The following GABRG3 variants were observed in gnomAD, a reference collection of about 807,000 sequenced individuals.
GABRG3 encodes gamma-aminobutyric acid receptor subunit gamma-3.
In GABRG3, 25 loss-of-function variants were observed where a neutral mutation model predicts 48.8. The ratio of observed to expected loss-of-function variants is 0.51; its 90% CI spans 0.37 to 0.72. The LOEUF is 0.72. Among genes scored for constraint, GABRG3 ranks in the 30% least tolerant of loss-of-function variants. The pLI is 0.00. For missense variants in GABRG3, 394 were observed against 577.9 expected, an observed-to-expected ratio of 0.68 and a Z score of 3.26; for synonymous variants, 227 against 217.6, an observed-to-expected ratio of 1.04 and a Z score of -0.38.
At chr15:27,305,245 C>G (rs1386306539) in intron 3 of GABRG3, among the ~76,000 whole-genome samples, 1 of 151,288 alleles carries the variant, frequency 6.6e-6, no homozygotes, top group Non-Finnish European at 1.5e-5. Flanking sequence ...GACTGGAAAA[C>G]AGAAAAATTT....
At chr15:27,228,783 T>C (rs1382638384) in intron 3 of GABRG3, among the ~76,000 whole-genome samples, 2 of 152,224 alleles carry the variant, frequency 1.3e-5, no homozygotes, top group Admixed American at 6.5e-5. Context: ...TGGTATCTCA[T>C]TGTGGTTTTG....
chr15:27,401,590 C>A (rs890735188), intron 5 of GABRG3, among the ~76,000 whole-genome samples: 1 of 152,198 alleles, frequency 6.6e-6, no homozygotes, highest in African/African-American at 2.4e-5. Flanking sequence ...CACTCCCTTA[C>A]CCCTGTGACA....
At chr15:27,033,855 A>T (rs1896129997) in intron 3 of GABRG3, among the ~76,000 whole-genome samples, 1 of 152,130 alleles carries the variant, frequency 6.6e-6, no homozygotes, top group Admixed American at 6.6e-5. Flanking sequence ...GTTTGTTGCT[A>T]TTCTTGCTAT....
chr15:27,317,577 C>G (rs555153231), intron 3 of GABRG3, among the ~76,000 whole-genome samples: 22 of 152,278 alleles, frequency 1.4e-4, no homozygotes, highest in African/African-American at 5.1e-4. Flanking sequence ...TGTCACAAGG[C>G]AAGGCTAAGC....
chr15:27,041,821 A>C (rs183803546), intron 3 of GABRG3, among the ~76,000 whole-genome samples: 1 of 152,224 alleles, frequency 6.6e-6, no homozygotes, highest in East Asian at 1.9e-4. Flanking sequence ...AAGACACAGC[A>C]AGAGGAGAGG....
intron 6 of GABRG3, among the ~76,000 whole-genome samples, chr15:27,508,063 G>A (rs888428193): frequency 2.0e-5 from 3 of 152,028 alleles, no homozygotes; most frequent in South Asian, 2.1e-4. Context: ...ACTTAAAGTG[G>A]CTTTTATGCA....
chr15:27,135,673 G>A (rs1416141725), intron 3 of GABRG3, among the ~76,000 whole-genome samples: 11 of 152,128 alleles, frequency 7.2e-5, no homozygotes, highest in African/African-American at 2.2e-4. Flanking sequence ...TTGGGAGCCC[G>A]AGGCAGGTGG....
chr15:27,215,647 C>G (rs1889223203), intron 3 of GABRG3, among the ~76,000 whole-genome samples: 1 of 152,176 alleles, frequency 6.6e-6, no homozygotes, highest in African/African-American at 2.4e-5. Flanking sequence ...GCAAAACTTG[C>G]ATGGGAGGCT....
intron 3 of GABRG3, among the ~76,000 whole-genome samples, chr15:27,182,456 T>A (rs1375279019): frequency 6.6e-6 from 1 of 152,194 alleles, no homozygotes; most frequent in Non-Finnish European, 1.5e-5. Context: ...TTTTTGTAAA[T>A]GATGTTTAAA....
At chr15:27,261,127 A>G (rs1890754507) in intron 3 of GABRG3, among the ~76,000 whole-genome samples, 2 of 152,208 alleles carry the variant, frequency 1.3e-5, no homozygotes, top group South Asian at 4.1e-4. Context: ...GACAGAAATT[A>G]GGATCTGAGG....
rs1046214303 is a variant in GABRG3, at chr15:27,304,408, T to C, written c.271-22401T>C. The stretch of plus-strand genomic sequence containing the variant: ...TTATTAATCAGGTATATTTATTTTT[T>C]TAAAAAAATCAATTTATTATCTTAT... On this transcript the variant is annotated intron_variant, in intron 3 of 9. Transcript: ENST00000615808. Among the ~76,000 whole-genome samples, 4 of 151,992 alleles carry C rather than the reference T, an allele frequency of 2.6e-5. No homozygotes were observed. In the South Asian group the frequency reaches 8.3e-4, roughly 31 times the overall value.
At chr15:27,370,581 G>T (rs1895376892) in intron 5 of GABRG3, among the ~76,000 whole-genome samples, 1 of 152,158 alleles carries the variant, frequency 6.6e-6, no homozygotes, top group Non-Finnish European at 1.5e-5. Flanking sequence ...ACATGCTCCT[G>T]TTTTGCCCTG....
chr15:27,182,674 C>T (rs1402732902), intron 3 of GABRG3, among the ~76,000 whole-genome samples: 1 of 152,026 alleles, frequency 6.6e-6, no homozygotes, highest in East Asian at 1.9e-4. Context: ...AAAAGCACTC[C>T]CCACAGGGCC....
intron 3 of GABRG3, among the ~76,000 whole-genome samples, chr15:27,173,472 C>T (rs746227409): frequency 4.6e-5 from 7 of 152,084 alleles, no homozygotes; most frequent in Non-Finnish European, 8.8e-5. Flanking sequence ...CAGCATTCCT[C>T]GCTCCAAAAT....
intron 2 of GABRG3, among the ~76,000 whole-genome samples, chr15:27,005,037 T>C (rs2140661375): frequency 6.6e-6 from 1 of 152,274 alleles, no homozygotes; most frequent in East Asian, 1.9e-4. Flanking sequence ...CATGCAAAGA[T>C]AGCATTTTAT....
At position 27,308,198 on chromosome 15, in the gene GABRG3, G is replaced by A. The variant is rs1416836958; in HGVS notation, c.271-18611G>A. Among the ~76,000 whole-genome samples the A allele has an allele frequency of 2.3e-4, 10 of 43,496 alleles. 1 individual carries two copies. Among genetic ancestry groups the A allele is most frequent in the African/African-American group, 4.7e-4 (5 of 10,606 alleles). 28.5% of individuals were successfully genotyped at this position (43,496 alleles called of 152,430 possible). A position where few individuals can be genotyped will look rare whatever the true frequency, so the allele number is the denominator to read the frequency against. ...TATATATCCAAACATATATAAACAT[G>A]TTTATATATCCAAACATATATAAAC... On this transcript the variant is annotated intron_variant, in intron 3 of 9. Transcript: ENST00000615808.
At chr15:26,987,702 G>A (rs1342834466) in intron 2 of GABRG3, among the ~76,000 whole-genome samples, 1 of 152,114 alleles carries the variant, frequency 6.6e-6, no homozygotes, top group Admixed American at 6.5e-5. Context: ...TTTGATAACC[G>A]TTCTGCTTAC....
intron 5 of GABRG3, among the ~76,000 whole-genome samples, chr15:27,408,614 C>T (rs528230773): frequency 2.6e-5 from 4 of 152,260 alleles, no homozygotes; most frequent in Non-Finnish European, 5.9e-5. Context: ...GTGAGGGCCG[C>T]GGGTCTGCCA....
At chr15:27,370,354 T>G (rs1054795485) in intron 5 of GABRG3, among the ~76,000 whole-genome samples, 1 of 152,226 alleles carries the variant, frequency 6.6e-6, no homozygotes, top group African/African-American at 2.4e-5. Context: ...AGCTAGCCAC[T>G]TAGCCTGCTC....
Sources: allele counts gnomAD v4.1 joint callset (sites outside exome capture counted in the v4.1 genomes callset), GRCh38; gene constraint gnomAD v4.1.1; transcripts MANE v1.5; gene names NCBI Gene and HGNC (gene_info 2026-07-23, HGNC 2026-07-21).